DET1: variants seen among roughly 807,000 people sequenced by gnomAD.
The protein encoded by DET1 is DET1 partner of COP1 E3 ubiquitin ligase.
Under a neutral mutation model 43.7 loss-of-function variants are expected in DET1, and 22 were observed. That is an observed-to-expected ratio of 0.50 (90% CI 0.36 to 0.72). The LOEUF (loss-of-function observed/expected upper bound fraction) is 0.72, where lower values mean the gene tolerates loss of function less well. Among genes scored for constraint, DET1 ranks in the 30% least tolerant of loss-of-function variants. The pLI, the probability that DET1 is intolerant of heterozygous loss-of-function variation, is 0.00. For synonymous variants in DET1, 315 were observed against 266.2 expected (o/e 1.18, Z -1.79); for missense variants, 713 against 713.3 (o/e 1.00, Z 0.00).
Position 88,504,395 on chromosome 15 carries a change from G to C in DET1, c.*2066-408C>G, listed in dbSNP as rs1367793708. 2 of 152,178 alleles carry C rather than the reference G, an allele frequency of 1.3e-5. No individual in the cohort carries two copies. The highest frequency in any genetic ancestry group is 4.8e-5 in the African/African-American group (2 of 41,424). The allele number at this position is 152,178 out of a possible 1,614,324, so 9.4% of individuals were successfully genotyped here. On this transcript the variant is annotated intron_variant and NMD_transcript_variant, in intron 7 of 8. Transcript: ENST00000557842. This position sits in a 1 kb window ranked among gnomAD's most constrained non-coding sequence, Gnocchi z 4.7. ...TGGGAGGGCATGAATATAGAAGGTA[G>C]GGTCACTGTAGGCCATCTTAGAGGC...
intron 2 of DET1, 107 bp from the exon 3 acceptor site, chr15:88,527,893 AAAC>A (rs3217481): frequency 0.17 from 80,149 of 459,528 alleles, 8,428 homozygotes; most frequent in African/African-American, 0.4. Flanking sequence ...AATTTTCCAA[AAAC>A]AACAACAACA....
At chr15:88,512,422 A>C, downstream of DET1, 1 of 985,658 alleles carries the variant, frequency 1.0e-6, no homozygotes. Flanking sequence ...CCTGGAACCC[A>C]AGTACTTGAA....
At chr15:88,528,266 T>C (rs1015827090) in intron 2 of DET1, among the ~76,000 whole-genome samples, 3 of 152,372 alleles carry the variant, frequency 2.0e-5, no homozygotes, top group African/African-American at 7.2e-5. Context: ...TGGCAAATTA[T>C]TTTCTCTTGT....
At chr15:88,517,630 A>G (rs553028860) in intron 3 of DET1, among the ~76,000 whole-genome samples, 16 of 152,316 alleles carry the variant, frequency 1.1e-4, no homozygotes, top group African/African-American at 3.9e-4. Context: ...TCAACTGGGG[A>G]AAAAGGTCAA....
intron 3 of DET1, among the ~76,000 whole-genome samples, chr15:88,526,463 G>C (rs2056665333): frequency 6.6e-6 from 1 of 152,064 alleles, no homozygotes; most frequent in African/African-American, 2.4e-5. Flanking sequence ...AGAAGCTCTG[G>C]CTCATAGGAG....
intron 2 of DET1, among the ~76,000 whole-genome samples, chr15:88,529,483 A>G (rs2056755753): frequency 6.6e-6 from 1 of 152,202 alleles, no homozygotes; most frequent in Non-Finnish European, 1.5e-5. Flanking sequence ...AAGAAAAAAA[A>G]TCCACAACAA....
At position 88,530,906 on chromosome 15, in the gene DET1, G is replaced by C; in HGVS notation, c.800C>G (p.Thr267Ser). The C allele has an allele frequency of 6.2e-7, 1 of 1,614,040 alleles. No individual in the cohort carries two copies. Among genetic ancestry groups the C allele is most frequent in the South Asian group, 1.1e-5 (1 of 91,092 alleles). ...TACCTCAGGGAAAACAGCTGACACAGTGAGCAGGTCATCCTCATAGCAAAA... is the reference window on the plus strand; with the variant it reads ...TACCTCAGGGAAAACAGCTGACACACTGAGCAGGTCATCCTCATAGCAAAA... The part of the protein sequence containing the change: ...GRFCYEDDLL[T>S]VSAVFPEVQR... The change falls in exon 2 of 5, where the codon ACT (threonine) becomes AGT (serine). Residue 267 changes from threonine (T) to serine (S), a missense_variant. Coordinates refer to ENST00000268148, the MANE Select transcript of DET1 (RefSeq NM_001144074.3).
chr15:88,543,567 A>G (rs1393238731), intron 1 of DET1, among the ~76,000 whole-genome samples: 1 of 152,226 alleles, frequency 6.6e-6, no homozygotes, highest in Non-Finnish European at 1.5e-5. Flanking sequence ...CTGTGTTCAC[A>G]GATGGTAGCA....
In DET1 at chr15:88,504,164, A is replaced by G. The variant is rs7180885; in HGVS notation, c.*2066-177T>C. ...AGGATATTTCATTCACATGGCTATC[A>G]GCAGGAAGCCTCAGTTCCTCAGCAA... On this transcript the variant is annotated intron_variant and NMD_transcript_variant, in intron 7 of 8. Transcript: ENST00000557842. The surrounding 1 kb of genome is among the most constrained non-coding windows in gnomAD (Gnocchi z 4.7). 105,800 of 152,052 alleles carry G rather than the reference A, an allele frequency of 0.7. 37,086 individuals are homozygous for G. The highest frequency in any genetic ancestry group is 0.84 in the South Asian group (4,032 of 4,816). The allele number at this position is 152,052 out of a possible 1,614,324, so 9.4% of individuals were successfully genotyped here. A position where few individuals can be genotyped will look rare whatever the true frequency, so the allele number is the denominator to read the frequency against.
intron 3 of DET1, among the ~76,000 whole-genome samples, chr15:88,518,516 TAAAGC>T (rs2056407816): frequency 6.6e-6 from 1 of 152,192 alleles, no homozygotes; most frequent in Admixed American, 6.5e-5. Flanking sequence ...AACTCACACT[TAAAGC>T]AAAGACTGGC....
intron 1 of DET1, chr15:88,536,218 C>G: frequency 2.9e-6 from 2 of 684,586 alleles, no homozygotes; most frequent in Non-Finnish European, 5.4e-6. Flanking sequence ...CCTCAGAAAT[C>G]TTCCCCAGGC....
intron 8 of DET1, chr15:88,502,308 C>T (rs1283577142): frequency 2.0e-5 from 3 of 152,202 alleles, no homozygotes; most frequent in Non-Finnish European, 4.4e-5. Flanking sequence ...TTCCCATTCC[C>T]CAACTTCTCC....
intron 4 of DET1, among the ~76,000 whole-genome samples, chr15:88,515,419 A>G (rs1226957197): frequency 4.6e-5 from 7 of 151,648 alleles, no homozygotes; most frequent in African/African-American, 1.2e-4. Flanking sequence ...GGCGCCTGTA[A>G]TCCCAGCTAC....
At chr15:88,502,732 A>G (rs2056101123) in intron 8 of DET1, 1 of 152,194 alleles carries the variant, frequency 6.6e-6, no homozygotes, top group Non-Finnish European at 1.5e-5. Flanking sequence ...TTTCTTGTTA[A>G]CTCCATACTC....
At chr15:88,506,326 A>G (rs1218614101) in intron 7 of DET1, among the ~76,000 whole-genome samples, 1 of 152,198 alleles carries the variant, frequency 6.6e-6, no homozygotes, top group African/African-American at 2.4e-5. Context: ...ACTTATTCCC[A>G]TAATTCTATC....
chr15:88,542,285 G>A (rs190476983), intron 1 of DET1, among the ~76,000 whole-genome samples: 20 of 152,164 alleles, frequency 1.3e-4, no homozygotes, highest in African/African-American at 2.9e-4. Context: ...CCCTCCACCC[G>A]GCCTAATTGG....
intron 1 of DET1, among the ~76,000 whole-genome samples, chr15:88,544,926 G>T (rs78356360): frequency 1.3e-5 from 2 of 152,090 alleles, no homozygotes; most frequent in Admixed American, 6.6e-5. Context: ...AGGAAGTGTC[G>T]ACCTTGTAGC....
chr15:88,527,822 G>A (rs1261877296), intron 2 of DET1, 36 bp from the exon 3 acceptor site: 1 of 1,500,442 alleles, frequency 6.7e-7, no homozygotes, highest in Admixed American at 2.2e-5. Flanking sequence ...TGGGACAGCT[G>A]AGTATAATGC....
intron 3 of DET1, among the ~76,000 whole-genome samples, chr15:88,523,154 G>T (rs1251489087): frequency 6.6e-6 from 1 of 152,006 alleles, no homozygotes; most frequent in Non-Finnish European, 1.5e-5. Flanking sequence ...GGGATAAAAG[G>T]CATAAGCCAC....
Sources: gnomAD v4.1 joint callset for allele counts (sites outside exome capture counted in the v4.1 genomes callset) on GRCh38, gnomAD v4.1.1 for gene constraint, Gnocchi (gnomAD v3.1) non-coding constraint, MANE v1.5 for transcripts, NCBI Gene and HGNC (gene_info 2026-07-23, HGNC 2026-07-21) for gene names.